Variants in DENND5B observed in about 807,000 individuals in gnomAD.
DENND5B encodes DENN domain-containing protein 5B.
In DENND5B, 34 loss-of-function variants were observed where a neutral mutation model predicts 140.6. The ratio of observed to expected loss-of-function variants is 0.24; its 90% CI spans 0.18 to 0.32. DENND5B has a LOEUF of 0.32. DENND5B is among the 10% of genes least tolerant of loss of function. The pLI, the probability that DENND5B is intolerant of heterozygous loss-of-function variation, is 1.00. For missense variants in DENND5B, 1,142 were observed against 1,560.2 expected, an observed-to-expected ratio of 0.73 and a Z score of 4.52; for synonymous variants, 551 against 562.1, an observed-to-expected ratio of 0.98 and a Z score of 0.28.
At chr12:31,557,760 C>G (rs1259404) in intron 1 of DENND5B, among the ~76,000 whole-genome samples, 18,367 of 139,812 alleles carry the variant, frequency 0.13, 1,879 homozygotes, top group African/African-American at 0.3. Flanking sequence ...AGGGCTGAAA[C>G]GTGGGAACAA....
chr12:31,515,816 C>T (rs748003435), intron 1 of DENND5B, among the ~76,000 whole-genome samples: 1 of 152,102 alleles, frequency 6.6e-6, no homozygotes, highest in Non-Finnish European at 1.5e-5. Context: ...TATATTGAGC[C>T]TTGCTACAAG....
chr12:31,579,889 G>A (rs1950160880), intron 1 of DENND5B, among the ~76,000 whole-genome samples: 1 of 151,562 alleles, frequency 6.6e-6, no homozygotes, highest in Admixed American at 6.6e-5. Context: ...ACCTTACATG[G>A]TGCCATCTTA....
intron 2 of DENND5B, among the ~76,000 whole-genome samples, chr12:31,491,899 C>G (rs1443719602): frequency 6.6e-6 from 1 of 152,132 alleles, no homozygotes; most frequent in East Asian, 1.9e-4. Context: ...AGAGGAATGA[C>G]TAATATTACA....
intron 19 of DENND5B, among the ~76,000 whole-genome samples, chr12:31,391,868 C>A (rs1396078687): frequency 6.6e-6 from 1 of 151,974 alleles, no homozygotes; most frequent in African/African-American, 2.4e-5. Context: ...TTGCCGGGCA[C>A]GATGGCTCAC....
intron 19 of DENND5B, among the ~76,000 whole-genome samples, chr12:31,391,696 A>G (rs963475765): frequency 5.9e-5 from 9 of 152,138 alleles, no homozygotes; most frequent in Admixed American, 5.9e-4. Context: ...TCTGTCGCCC[A>G]GGCTGGAGTG....
chr12:31,588,407 C>G (rs1362275140), intron 1 of DENND5B, among the ~76,000 whole-genome samples: 1 of 152,214 alleles, frequency 6.6e-6, no homozygotes, highest in Non-Finnish European at 1.5e-5. Flanking sequence ...GTCGGCACTT[C>G]ACGTGGACTC....
chr12:31,443,497 C>T (rs1444010133), intron 6 of DENND5B, among the ~76,000 whole-genome samples: 1 of 152,022 alleles, frequency 6.6e-6, no homozygotes, highest in Non-Finnish European at 1.5e-5. Context: ...AAAATCAGGG[C>T]CGCGGGGATG....
intron 1 of DENND5B, among the ~76,000 whole-genome samples, chr12:31,529,747 AG>A (rs200421660): frequency 0.013 from 1,910 of 145,664 alleles, 25 homozygotes; most frequent in African/African-American, 0.046. Context: ...TTTTTAAAAA[AG>A]AAAACATCCT....
chr12:31,387,741 A>C lies in DENND5B; in HGVS notation c.3687T>G (p.Pro1229=). 6.2e-7 allele frequency: 1 copy of C among 1,614,024 alleles called. No homozygotes were observed. Among genetic ancestry groups the C allele is most frequent in the South Asian group, 1.1e-5 (1 of 91,074 alleles). Residue 1229 remains proline (P), a synonymous_variant, in exon 21 of 21, where the codon CCT becomes CCG. Transcript: ENST00000389082. ...PQWIPLLAEC[P]AITRMYEESA... ...TCTCTTCATACATTCGAGTGATGGC[A>C]GGACACTCAGCTAACAATGGAATCC...
At chr12:31,540,940 A>T in intron 1 of DENND5B, 1 of 441,510 alleles carries the variant, frequency 2.3e-6, no homozygotes. Context: ...GGTGCCGAGA[A>T]CATACAATGG....
chr12:31,569,677 T>C (rs1949751749), intron 1 of DENND5B, among the ~76,000 whole-genome samples: 1 of 151,992 alleles, frequency 6.6e-6, no homozygotes, highest in South Asian at 2.1e-4. Context: ...CCGAGTATGG[T>C]GGTACATGCC....
intron 1 of DENND5B, among the ~76,000 whole-genome samples, chr12:31,532,403 T>C (rs891989222): frequency 3.3e-5 from 5 of 152,126 alleles, no homozygotes; most frequent in Admixed American, 6.6e-5. Context: ...TTTAGGCTCA[T>C]AGACCTCAAT....
chr12:31,488,089 G>A (rs545547394), intron 2 of DENND5B, among the ~76,000 whole-genome samples: 9 of 152,010 alleles, frequency 5.9e-5, no homozygotes, highest in Non-Finnish European at 1.2e-4. Context: ...CCAAGTAGCT[G>A]GGATTACAAG....
rs1162152920 is a variant in DENND5B, at chr12:31,583,610, A to G, written c.127+7096T>C. 2.0e-5 allele frequency among the ~76,000 whole-genome samples: 3 copies of G among 151,864 alleles called. No individual in the cohort carries two copies. In the East Asian group the frequency reaches 5.8e-4, roughly 29 times the overall value. On this transcript the variant is annotated intron_variant, in intron 1 of 20. Transcript: ENST00000389082. Reference sequence around the variant, plus strand: ...CGAGAATCACTTAAACCTGGGAGGCAGAGGTTGCAGTGAGCCGAGATCACG... The same window carrying G: ...CGAGAATCACTTAAACCTGGGAGGCGGAGGTTGCAGTGAGCCGAGATCACG...
intron 14 of DENND5B, among the ~76,000 whole-genome samples, chr12:31,406,761 T>C (rs1942143727): frequency 6.6e-6 from 1 of 152,110 alleles, no homozygotes; most frequent in Non-Finnish European, 1.5e-5. Flanking sequence ...TGAAGAGAAA[T>C]CTACAGATAT....
At chr12:31,406,093 A>G (rs1593079331) in intron 14 of DENND5B, among the ~76,000 whole-genome samples, 1 of 150,100 alleles carries the variant, frequency 6.7e-6, no homozygotes, top group Admixed American at 6.7e-5. Flanking sequence ...GTGATCCGCC[A>G]CCTCGGCCTC....
chr12:31,549,394 A>T (rs1394397829), intron 1 of DENND5B, among the ~76,000 whole-genome samples: 2 of 152,136 alleles, frequency 1.3e-5, no homozygotes, highest in Non-Finnish European at 2.9e-5. Flanking sequence ...CAATTTTTAA[A>T]ATTATTCTGA....
intron 1 of DENND5B, among the ~76,000 whole-genome samples, chr12:31,575,951 G>A (rs1949998461): frequency 1.3e-5 from 2 of 151,870 alleles, no homozygotes; most frequent in Admixed American, 6.6e-5. Context: ...GGGAGACAGA[G>A]CAAGACTGTC....
At chr12:31,416,842 A>G (rs542308371) in intron 11 of DENND5B, among the ~76,000 whole-genome samples, 1 of 152,016 alleles carries the variant, frequency 6.6e-6, no homozygotes, top group South Asian at 2.1e-4. Flanking sequence ...CTACACAGAA[A>G]GACCCCGTTT....
Sources: gnomAD v4.1 joint callset for allele counts (sites outside exome capture counted in the v4.1 genomes callset) on GRCh38, gnomAD v4.1.1 for gene constraint, MANE v1.5 for transcripts, NCBI Gene and HGNC (gene_info 2026-07-23, HGNC 2026-07-21) for gene names.